VAV3: variants seen among roughly 807,000 people sequenced by gnomAD.
The protein encoded by VAV3 is guanine nucleotide exchange factor VAV3.
Under a neutral mutation model 131.2 loss-of-function variants are expected in VAV3, and 94 were observed. That is an observed-to-expected ratio of 0.72 (90% CI 0.61 to 0.85). VAV3 has a LOEUF of 0.85. Ranked by LOEUF, VAV3 falls within the 40% of genes least tolerant of loss-of-function variation. The probability of loss-of-function intolerance (pLI) is 0.00; values close to 1 mark genes in which losing one functional copy is unlikely to be tolerated. For missense variants in VAV3, 939 were observed against 1,002.7 expected (o/e 0.94, Z 0.86); for synonymous variants, 349 against 342.0 (o/e 1.02, Z -0.22).
intron 1 of VAV3, among the ~76,000 whole-genome samples, chr1:107,897,746 C>T (rs145513695): frequency 2.8e-4 from 42 of 152,214 alleles, no homozygotes; most frequent in African/African-American, 9.6e-4. Context: ...GGCAGCCTGG[C>T]ATTCTGAGAT....
rs138340546 is a variant in VAV3, at chr1:107,954,996, T to C, written c.204+9670A>G. On this transcript the variant is annotated intron_variant, in intron 1 of 26. Transcript: ENST00000370056. Reference sequence around the variant, plus strand: ...GGTGTTGGACAATTAGATGAGATAATGCATGGAAAGCTTTAGTAACTGCCT... The same window carrying C: ...GGTGTTGGACAATTAGATGAGATAACGCATGGAAAGCTTTAGTAACTGCCT... Among the ~76,000 whole-genome samples, 34 of 152,326 alleles carry C rather than the reference T, an allele frequency of 2.2e-4. No individual in the cohort carries two copies. In the East Asian group the frequency reaches 6.2e-3, roughly 28 times the overall value.
At chr1:107,597,902 C>T (rs1159856095) in intron 24 of VAV3, among the ~76,000 whole-genome samples, 1 of 152,198 alleles carries the variant, frequency 6.6e-6, no homozygotes, top group African/African-American at 2.4e-5. Context: ...TTATAACTTT[C>T]ACTCAAGAAC....
At chr1:107,832,648 T>C (rs1009568016) in intron 2 of VAV3, among the ~76,000 whole-genome samples, 3 of 152,254 alleles carry the variant, frequency 2.0e-5, no homozygotes, top group Non-Finnish European at 4.4e-5. Context: ...TGTAGTATAA[T>C]AGGTGTCTTT....
chr1:107,673,439 C>T (rs1570729375), intron 19 of VAV3, among the ~76,000 whole-genome samples: 2 of 152,188 alleles, frequency 1.3e-5, no homozygotes, highest in Admixed American at 1.3e-4. Context: ...CCTCTGCCTG[C>T]AACCCTCTTC....
At chr1:107,681,909 C>G (rs1658657673) in intron 19 of VAV3, among the ~76,000 whole-genome samples, 1 of 152,160 alleles carries the variant, frequency 6.6e-6, no homozygotes, top group South Asian at 2.1e-4. Context: ...ATCCGCCGGC[C>G]TTGACCTCCC....
chr1:107,793,375 G>A (rs778843622), intron 2 of VAV3, among the ~76,000 whole-genome samples: 6 of 152,260 alleles, frequency 3.9e-5, no homozygotes, highest in Non-Finnish European at 7.4e-5. Flanking sequence ...ATTCTATTCC[G>A]TCACCTTTTT....
intron 25 of VAV3, among the ~76,000 whole-genome samples, chr1:107,592,267 C>G (rs1651027583): frequency 6.6e-6 from 1 of 152,018 alleles, no homozygotes; most frequent in East Asian, 1.9e-4. Context: ...CTGATGTTTC[C>G]TCATGATTAG....
chr1:107,669,068 AAC>A, intron 19 of VAV3: 1 of 1,081,348 alleles, frequency 9.2e-7, no homozygotes, highest in Admixed American at 5.0e-5. Flanking sequence ...GGTCAAAAAG[AAC>A]ACAGGGGAAA....
chr1:107,718,938 C>G (rs1239032334), intron 15 of VAV3, among the ~76,000 whole-genome samples: 4 of 152,128 alleles, frequency 2.6e-5, no homozygotes, highest in Non-Finnish European at 5.9e-5. Flanking sequence ...ACAAACCTGA[C>G]AAAAACAAGA....
At chr1:107,610,076 G>C in intron 21 of VAV3, 111 bp from the exon 22 acceptor site, 1 of 856,914 alleles carries the variant, frequency 1.2e-6, no homozygotes, top group Non-Finnish European at 1.9e-6. Context: ...AAGTGGCACA[G>C]TCCTGGAACT....
Position 107,765,219 on chromosome 1 carries a change from G to A in VAV3, c.822-44C>T, listed in dbSNP as rs1291097727. 3 of 1,444,044 alleles carry A rather than the reference G, an allele frequency of 2.1e-6. No homozygotes were observed. The East Asian group carries it at 6.8e-5, about 33-fold the overall frequency. The allele number at this position is 1,444,044 out of a possible 1,614,324, so 89.5% of individuals were successfully genotyped here. A position where few individuals can be genotyped will look rare whatever the true frequency, so the allele number is the denominator to read the frequency against. On this transcript the variant is annotated intron_variant, in intron 8 of 26. Transcript: ENST00000370056. ...AAGAAATCTCTAAGACAAAAACCAA[G>A]AATGAACTGGAGGGGGAAACAAGCA...
chr1:107,840,645 C>T (rs910689485), intron 2 of VAV3, among the ~76,000 whole-genome samples: 4 of 151,320 alleles, frequency 2.6e-5, no homozygotes, highest in Admixed American at 6.6e-5. Context: ...CCTAAAGAAA[C>T]GTAAAGGAAG....
At chr1:107,808,969 C>T (rs1328717718) in intron 2 of VAV3, among the ~76,000 whole-genome samples, 7 of 152,038 alleles carry the variant, frequency 4.6e-5, no homozygotes, top group Non-Finnish European at 8.8e-5. Context: ...TAATGCCAAT[C>T]GATGAAGGCA....
At chr1:107,832,070 G>A (rs538809835) in intron 2 of VAV3, among the ~76,000 whole-genome samples, 3 of 152,312 alleles carry the variant, frequency 2.0e-5, no homozygotes, top group East Asian at 3.9e-4. Context: ...CAATCATCCA[G>A]GTGTGAAGTA....
intron 20 of VAV3, among the ~76,000 whole-genome samples, chr1:107,640,158 T>C (rs1324714428): frequency 6.6e-6 from 1 of 152,154 alleles, no homozygotes. Context: ...ATACAAAGAA[T>C]TATATTTGAA....
chr1:107,767,902 A>T (rs1664821934), intron 7 of VAV3, among the ~76,000 whole-genome samples: 1 of 152,228 alleles, frequency 6.6e-6, no homozygotes, highest in Non-Finnish European at 1.5e-5. Context: ...GTAAACGAAA[A>T]ATATCTCCTC....
intron 2 of VAV3, chr1:107,785,560 T>C: frequency 8.1e-7 from 1 of 1,236,994 alleles, no homozygotes; most frequent in South Asian, 1.5e-5. Context: ...ATCACACCCC[T>C]ACAACATTAG....
At position 107,893,567 on chromosome 1, in the gene VAV3, G is replaced by A. The variant is rs188625233; in HGVS notation, c.205-18550C>T. 2.8e-3 allele frequency among the ~76,000 whole-genome samples: 429 copies of A among 152,182 alleles called. 1 individual carries two copies. The highest frequency in any genetic ancestry group is 5.0e-3 in the Non-Finnish European group (343 of 68,004). ...GAGCAAGTCATGTCTTACATGGATG[G>A]CAGCAGGCAAAAAAAGCTTCCGGAG... On this transcript the variant is annotated intron_variant, in intron 1 of 26. Transcript: ENST00000370056.
chr1:107,958,108 T>C (rs1009809647), intron 1 of VAV3, among the ~76,000 whole-genome samples: 2 of 152,204 alleles, frequency 1.3e-5, no homozygotes, highest in Non-Finnish European at 2.9e-5. Flanking sequence ...AAAATTATGC[T>C]GGCAGATTAT....
Sources: gnomAD v4.1 joint callset for allele counts (sites outside exome capture counted in the v4.1 genomes callset) on GRCh38, gnomAD v4.1.1 for gene constraint, MANE v1.5 for transcripts, NCBI Gene and HGNC (gene_info 2026-07-23, HGNC 2026-07-21) for gene names.